The following TRIO variants were observed in gnomAD, a reference collection of about 807,000 sequenced individuals.
TRIO encodes the protein triple functional domain protein.
In TRIO, 58 loss-of-function variants were observed where a neutral mutation model predicts 351.9. The observed-to-expected ratio is 0.16, with a 90% confidence interval of 0.13 to 0.21. The LOEUF is 0.21. Among genes scored for constraint, TRIO ranks in the 10% least tolerant of loss-of-function variants. TRIO has a pLI of 1.00. For synonymous variants in TRIO, 1,758 were observed against 1,595.7 expected (o/e 1.10, Z -2.42); for missense variants, 3,201 against 4,027.8 (o/e 0.79, Z 5.56).
At chr5:14,344,833 A>T (rs1742272446) in intron 11 of TRIO, among the ~76,000 whole-genome samples, 1 of 152,180 alleles carries the variant, frequency 6.6e-6, no homozygotes, top group Non-Finnish European at 1.5e-5. Context: ...AACTCTGTCC[A>T]TCTCCAGCTG....
At chr5:14,428,563 G>A (rs1022349148) in intron 34 of TRIO, among the ~76,000 whole-genome samples, 1 of 152,132 alleles carries the variant, frequency 6.6e-6, no homozygotes, top group African/African-American at 2.4e-5. Context: ...TCTGAGACCT[G>A]TGATTAAGGA....
chr5:14,349,040 G>A (rs1283106619), intron 11 of TRIO, among the ~76,000 whole-genome samples: 4 of 151,010 alleles, frequency 2.6e-5, no homozygotes, highest in Non-Finnish European at 4.4e-5. Context: ...GTGTACGCAC[G>A]TGAGCATGTG....
chr5:14,149,463 T>C (rs1787699832), intron 1 of TRIO, among the ~76,000 whole-genome samples: 2 of 152,238 alleles, frequency 1.3e-5, no homozygotes, highest in South Asian at 4.1e-4. Context: ...TCCTCTTTTC[T>C]GTCCCCTCTC....
chr5:14,338,182 C>G (rs1741605193), intron 11 of TRIO, among the ~76,000 whole-genome samples: 1 of 152,204 alleles, frequency 6.6e-6, no homozygotes, highest in African/African-American at 2.4e-5. Context: ...CCCAGCCTCC[C>G]TGTGGCACCG....
intron 33 of TRIO, among the ~76,000 whole-genome samples, chr5:14,410,387 A>G (rs757195951): frequency 2.0e-5 from 3 of 152,184 alleles, no homozygotes; most frequent in South Asian, 4.1e-4. Context: ...ACATTTTGAA[A>G]ATCAAGGACT....
At chr5:14,457,128 GA>G (rs1387617383) in intron 34 of TRIO, among the ~76,000 whole-genome samples, 1 of 152,096 alleles carries the variant, frequency 6.6e-6, no homozygotes, top group Non-Finnish European at 1.5e-5. Context: ...GCAGACTTCT[GA>G]AACAAAATTT....
chr5:14,419,485 C>G (rs1355272650), intron 33 of TRIO, among the ~76,000 whole-genome samples: 1 of 152,094 alleles, frequency 6.6e-6, no homozygotes, highest in East Asian at 1.9e-4. Flanking sequence ...TGATAATCCC[C>G]CAGATAGCCT....
chr5:14,414,875 A>T (rs562184483), intron 33 of TRIO, among the ~76,000 whole-genome samples: 2 of 152,332 alleles, frequency 1.3e-5, no homozygotes, highest in East Asian at 3.9e-4. Flanking sequence ...GTCTCCGTGA[A>T]GTTGCCCTGT....
At chr5:14,264,533 T>C (rs1795541265) in intron 1 of TRIO, among the ~76,000 whole-genome samples, 1 of 152,172 alleles carries the variant, frequency 6.6e-6, no homozygotes, top group African/African-American at 2.4e-5. Flanking sequence ...GTTAAAAAAA[T>C]AATATAAGCA....
At chr5:14,303,710 G>T (rs1042114743) in intron 7 of TRIO, among the ~76,000 whole-genome samples, 7 of 152,026 alleles carry the variant, frequency 4.6e-5, no homozygotes, top group Non-Finnish European at 1.0e-4. Context: ...GATGGAGGGT[G>T]GCAGTGGAGG....
chr5:14,471,350 T>C lies in TRIO; in HGVS notation c.5796T>C (p.Val1932=). 3 of 1,614,152 alleles carry C rather than the reference T, an allele frequency of 1.9e-6. No individual in the cohort carries two copies. In the South Asian group the frequency reaches 3.3e-5, roughly 18 times the overall value. Residue 1932 remains valine (V), a synonymous_variant, in exon 38 of 57, where the codon GTT becomes GTC. Coordinates refer to ENST00000344204, the MANE Select transcript of TRIO (RefSeq NM_007118.4). ...AGGATCGCCCCAGCTCACTCCTTGT[T>C]GACCAGGGAGATAGTAGCAGCCCTT... ...ALEDRPSSLL[V]DQGDSSSPSF...
In TRIO at chr5:14,485,272, T is replaced by A. The variant is rs115363565; in HGVS notation, c.6835+26T>A. The A allele has an allele frequency of 5.0e-3, 7,688 of 1,551,888 alleles. 25 individuals are homozygous for A. Among genetic ancestry groups the A allele is most frequent in the Non-Finnish European group, 6.1e-3 (7,015 of 1,141,786 alleles). On this transcript the variant is annotated intron_variant, in intron 47 of 56. Coordinates refer to ENST00000344204, the MANE Select transcript of TRIO (RefSeq NM_007118.4). ...GTAATGTGTGTTCTGTTACTAGATG[T>A]GTGCTTTCTTTCCTCGTGTACTCAC...
At chr5:14,319,516 A>G (rs1739676457) in intron 9 of TRIO, among the ~76,000 whole-genome samples, 1 of 152,240 alleles carries the variant, frequency 6.6e-6, no homozygotes, top group Non-Finnish European at 1.5e-5. Context: ...AGTACTTTAG[A>G]AGGACGTTAC....
At chr5:14,189,450 G>C (rs958349802) in intron 1 of TRIO, among the ~76,000 whole-genome samples, 1 of 152,162 alleles carries the variant, frequency 6.6e-6, no homozygotes, top group Non-Finnish European at 1.5e-5. Flanking sequence ...TGAGGAGGGC[G>C]GAAAGAAGGG....
intron 48 of TRIO, 26 bp from the exon 49 acceptor site, chr5:14,492,540 TC>T (rs1218723357): frequency 6.2e-7 from 1 of 1,610,186 alleles, no homozygotes; most frequent in South Asian, 1.1e-5. Flanking sequence ...TCCCTGCCTT[TC>T]TCTGTCTTCA....
chr5:14,396,396 C>T (rs1459125918), intron 28 of TRIO, among the ~76,000 whole-genome samples: 2 of 142,976 alleles, frequency 1.4e-5, no homozygotes, highest in African/African-American at 5.1e-5. Flanking sequence ...TCAGCTGTAA[C>T]CAGTAGCTGA....
At chr5:14,481,795 G>A (rs77185322) in intron 45 of TRIO, 177 bp downstream of exon 45, 24 of 425,100 alleles carry the variant, frequency 5.6e-5, no homozygotes, top group South Asian at 7.8e-5. Flanking sequence ...TTTTTTTTTT[G>A]GTGCGTTTGG....
intron 20 of TRIO, among the ~76,000 whole-genome samples, chr5:14,380,703 G>A (rs1007765251): frequency 1.3e-5 from 2 of 152,058 alleles, no homozygotes; most frequent in African/African-American, 4.8e-5. Flanking sequence ...ATTTGACCTA[G>A]CAATCCCATT....
In TRIO at chr5:14,406,238, C is replaced by A. The variant is rs1025076001; in HGVS notation, c.4859+248C>A. The A allele has an allele frequency of 5.5e-5, 33 of 595,594 alleles. No individual in the cohort carries two copies. The East Asian group carries it at 8.9e-4, about 16-fold the overall frequency. The allele number at this position is 595,594 out of a possible 1,614,324, so 36.9% of individuals were successfully genotyped here. ...ATTGTTTTGCCTTTCTCACCCCGAGCACCATACAGGGCACATGTCTAACTC... is the reference window on the plus strand; with the variant it reads ...ATTGTTTTGCCTTTCTCACCCCGAGAACCATACAGGGCACATGTCTAACTC... On this transcript the variant is annotated intron_variant, in intron 32 of 56. Coordinates refer to ENST00000344204, the MANE Select transcript of TRIO (RefSeq NM_007118.4).
Sources: gnomAD v4.1 joint callset for allele counts (sites outside exome capture counted in the v4.1 genomes callset) on GRCh38, gnomAD v4.1.1 for gene constraint, MANE v1.5 for transcripts, NCBI Gene and HGNC (gene_info 2026-07-23, HGNC 2026-07-21) for gene names.